Variants in PDK1 observed in about 807,000 individuals in gnomAD.
The protein encoded by PDK1 is pyruvate dehydrogenase kinase 1, also known as [Pyruvate dehydrogenase (acetyl-transferring)] kinase isozyme 1, mitochondrial.
Under a neutral mutation model 54.2 loss-of-function variants are expected in PDK1, and 39 were observed. The observed-to-expected ratio is 0.72, with a 90% confidence interval of 0.56 to 0.94. The LOEUF (loss-of-function observed/expected upper bound fraction) is 0.94, where lower values mean the gene tolerates loss of function less well. PDK1 is among the 40% of genes least tolerant of loss of function. The probability of loss-of-function intolerance (pLI) is 0.00; values close to 1 mark genes in which losing one functional copy is unlikely to be tolerated. For missense variants in PDK1, 552 were observed against 566.0 expected (o/e 0.98, Z 0.25); for synonymous variants, 221 against 207.1 (o/e 1.07, Z -0.58).
chr2:172,560,415 A>G (rs1688594166), intron 2 of PDK1, among the ~76,000 whole-genome samples: 2 of 152,106 alleles, frequency 1.3e-5, no homozygotes. Context: ...CAGTCCTCTC[A>G]CCTTGGCTTC....
At chr2:172,684,247 T>C in the PDK1 span, among the ~76,000 whole-genome samples, 36,378 of 151,844 alleles carry the variant, frequency 0.24, 4,943 homozygotes, top group East Asian at 0.56. Flanking sequence ...ATGGTGAAAC[T>C]CCGTCTCTAC....
chr2:172,649,409 A>C, the PDK1 span, among the ~76,000 whole-genome samples: 1 of 152,236 alleles, frequency 6.6e-6, no homozygotes, highest in African/African-American at 2.4e-5. Context: ...AAAATTCTAA[A>C]AATCAGAGTG....
chr2:172,658,403 AG>A, the PDK1 span, among the ~76,000 whole-genome samples: 1 of 152,344 alleles, frequency 6.6e-6, no homozygotes, highest in South Asian at 2.1e-4. Context: ...ATATCACCTC[AG>A]GATCACTGTG....
the PDK1 span, among the ~76,000 whole-genome samples, chr2:172,702,780 C>T: frequency 2.0e-5 from 3 of 152,064 alleles, no homozygotes; most frequent in Non-Finnish European, 4.4e-5. Context: ...GCTGCTCTCA[C>T]TAGGATGGAT....
the PDK1 span, among the ~76,000 whole-genome samples, chr2:172,633,712 T>G: frequency 6.6e-6 from 1 of 150,770 alleles, no homozygotes; most frequent in Non-Finnish European, 1.5e-5. Context: ...TATAATAAAG[T>G]TTTTATTTTA....
chr2:172,556,066 T>C, upstream of PDK1: 3 of 1,070,146 alleles, frequency 2.8e-6, no homozygotes, highest in Non-Finnish European at 3.7e-6. Flanking sequence ...CCGCCCCTGC[T>C]GCCCGCCACG....
chr2:172,713,836 C>T, the PDK1 span, among the ~76,000 whole-genome samples: 402 of 152,120 alleles, frequency 2.6e-3, 3 homozygotes, highest in African/African-American at 9.4e-3. Flanking sequence ...CCGGCTCCCC[C>T]GGCTCCATGG....
At chr2:172,654,193 T>C in the PDK1 span, among the ~76,000 whole-genome samples, 1 of 152,160 alleles carries the variant, frequency 6.6e-6, no homozygotes, top group Non-Finnish European at 1.5e-5. Flanking sequence ...AGTTCAACCA[T>C]TGTGGAAAAC....
the PDK1 span, among the ~76,000 whole-genome samples, chr2:172,662,492 T>TTG: frequency 1.4e-3 from 17 of 12,140 alleles, no homozygotes; most frequent in African/African-American, 3.4e-3. Context: ...CTTTTTAAAA[T>TTG]CGTGTGTGTG....
At chr2:172,568,608 G>A (rs1689088117) in intron 6 of PDK1, 133 bp from the exon 7 acceptor site, 5 of 634,008 alleles carry the variant, frequency 7.9e-6, no homozygotes, top group East Asian at 2.7e-5. Flanking sequence ...TGAAGAAATG[G>A]TGTGGCAGTT....
chr2:172,614,352 C>T, the PDK1 span, among the ~76,000 whole-genome samples: 6 of 152,182 alleles, frequency 3.9e-5, no homozygotes, highest in Admixed American at 6.5e-5. Context: ...CATGCTCTTC[C>T]GTGCTGCTCA....
the PDK1 span, among the ~76,000 whole-genome samples, chr2:172,701,654 T>G: frequency 1.7e-3 from 250 of 149,304 alleles, 1 homozygote; most frequent in African/African-American, 5.7e-3. Flanking sequence ...TTTTGTTTTT[T>G]TTTTTTTTTG....
the PDK1 span, chr2:172,678,987 G>A: frequency 6.6e-6 from 1 of 152,220 alleles, no homozygotes; most frequent in African/African-American, 2.4e-5. Flanking sequence ...AGTGTATGAT[G>A]TTGACTCTGT....
At chr2:172,659,317 T>C in the PDK1 span, among the ~76,000 whole-genome samples, 22,544 of 152,132 alleles carry the variant, frequency 0.15, 2,933 homozygotes, top group East Asian at 0.53. Flanking sequence ...TCTTCCTGGC[T>C]GTTTCACCCA....
At chr2:172,578,161 G>A (rs1024740177) in intron 8 of PDK1, among the ~76,000 whole-genome samples, 1 of 152,096 alleles carries the variant, frequency 6.6e-6, no homozygotes. Flanking sequence ...CTGCCTTCCA[G>A]CCTCCATGGT....
At chr2:172,593,264 T>C (rs932734250) in intron 10 of PDK1, among the ~76,000 whole-genome samples, 1 of 152,136 alleles carries the variant, frequency 6.6e-6, no homozygotes, top group East Asian at 1.9e-4. Context: ...TGTCTATTAA[T>C]AGGAAAAAAA....
At chr2:172,642,811 T>TCCTC in the PDK1 span, among the ~76,000 whole-genome samples, 19 of 66,588 alleles carry the variant, frequency 2.9e-4, no homozygotes, top group South Asian at 9.7e-4. Flanking sequence ...TCCTCCTCCT[T>TCCTC]CTTCTTCTCT....
rs986649182 is a variant in PDK1, at chr2:172,602,184, CTG to C, written c.*6218_*6219del. The C allele has an allele frequency of 1.3e-5, 2 of 152,144 alleles. No individual in the cohort carries two copies. The highest frequency in any genetic ancestry group is 2.4e-5 in the African/African-American group (1 of 41,438). The allele number at this position is 152,144 out of a possible 1,614,324, so 9.4% of individuals were successfully genotyped here. ...TCTCAAAGCTACACTTGAGCAAAGA[CTG>C]TGAAATATTAATAGACCAATCTTGT... On this transcript the variant is annotated 3_prime_UTR_variant, in exon 11 of 11. Transcript: ENST00000282077.
At chr2:172,572,698 CTGGG>C (rs1470834181) in intron 8 of PDK1, among the ~76,000 whole-genome samples, 3 of 152,146 alleles carry the variant, frequency 2.0e-5, no homozygotes, top group African/African-American at 7.2e-5. Context: ...GCACTCCAGC[CTGGG>C]TGACAGATTG....
Sources: allele counts gnomAD v4.1 joint callset (sites outside exome capture counted in the v4.1 genomes callset), GRCh38; gene constraint gnomAD v4.1.1; transcripts MANE v1.5; gene names NCBI Gene and HGNC (gene_info 2026-07-23, HGNC 2026-07-21).